The following H2AC12 variants were observed in gnomAD, a reference collection of about 807,000 sequenced individuals.
The protein encoded by H2AC12 is histone H2A type 1-H.
A neutral mutation model predicts 5.8 loss-of-function variants in H2AC12; 9 were observed. The ratio of observed to expected loss-of-function variants is 1.56; its 90% CI spans 0.94 to 2.71. H2AC12 has a LOEUF of 2.71. H2AC12 is among the 30% of genes most tolerant of loss of function. H2AC12 has a pLI of 0.00. For missense variants in H2AC12, 232 were observed against 173.1 expected (o/e 1.34, Z -1.91); for synonymous variants, 158 against 78.1 (o/e 2.02, Z -5.39).
At position 27,147,452 on chromosome 6, in the gene H2AC12, C is replaced by T; in HGVS notation, c.324C>T (p.Val108=). Residue 108 remains valine, a synonymous_variant, in exon 1 of 1, where the codon GTC becomes GTT. Coordinates refer to ENST00000377459, the MANE Select transcript of H2AC12 (RefSeq NM_080596.3). ...AAGTCACCATCGCGCAGGGTGGTGT[C>T]TTGCCCAATATCCAGGCCGTGCTGC... ...LGKVTIAQGG[V]LPNIQAVLLP... 6.2e-7 allele frequency: 1 copy of T among 1,614,212 alleles called. No individual in the cohort carries two copies. The highest frequency in any genetic ancestry group is 2.2e-5 in the East Asian group (1 of 44,890).
rs1448325978 is a variant in H2AC12 at position 27,147,412 on chromosome 6, AC to A, written c.285del (p.Asn95LysfsTer?). 6.2e-6 allele frequency: 10 copies of A among 1,614,208 alleles called. No homozygotes were observed. In the East Asian group the frequency reaches 2.2e-4, roughly 36 times the overall value. ...GCCATCCGCAACGACGAGGAGCTCA[AC>A]AAGCTGCTGGGCAAAGTCACCATCG... ...QLAIRNDEEL[N>X]KLLGKVTIAQ... On this transcript the variant is annotated frameshift_variant, in exon 1 of 1. Transcript: ENST00000377459. LOFTEE classifies it high-confidence loss of function.
In H2AC12 at chr6:27,147,233, C is replaced by T. The variant is rs1760115900; in HGVS notation, c.105C>T (p.Leu35=). ...QFPVGRVHRL[L]RKGNYAERVG... is the part of the protein sequence containing the mutation. ...CCGTGGGCCGAGTGCACCGCCTGCT[C>T]CGCAAGGGTAATTATGCCGAGCGGG... The change falls in exon 1 of 1, where the codon CTC becomes CTT. Residue 35 remains leucine, a synonymous_variant. Transcript: ENST00000377459. The T allele has an allele frequency of 3.1e-6, 5 of 1,614,062 alleles. No homozygotes were observed. Among genetic ancestry groups the T allele is most frequent in the Middle Eastern group, 1.6e-4 (1 of 6,082 alleles).
In H2AC12 at chr6:27,147,222, C is replaced by T. The variant is rs769425190; in HGVS notation, c.94C>T (p.His32Tyr). ...GCTTCAGTTCCCCGTGGGCCGAGTG[C>T]ACCGCCTGCTCCGCAAGGGTAATTA... Reference protein sequence around the residue: ...AGLQFPVGRVHRLLRKGNYAE... With the variant: ...AGLQFPVGRVYRLLRKGNYAE... Residue 32 changes from histidine (H) to tyrosine (Y), a missense_variant, in exon 1 of 1, where the codon CAC (histidine) becomes TAC (tyrosine). Coordinates refer to ENST00000377459, the MANE Select transcript of H2AC12 (RefSeq NM_080596.3). 15 of 1,614,090 alleles carry T rather than the reference C, an allele frequency of 9.3e-6. No individual in the cohort carries two copies. Among genetic ancestry groups the T allele is most frequent in the South Asian group, 8.8e-5 (8 of 91,084 alleles).
In H2AC12 at chr6:27,147,193, C is replaced by G; in HGVS notation, c.65C>G (p.Ala22Gly). 1 of 1,614,134 alleles carries G rather than the reference C, an allele frequency of 6.2e-7. No individual in the cohort carries two copies. The highest frequency in any genetic ancestry group is 8.5e-7 in the Non-Finnish European group (1 of 1,179,992). ...RAKAKTRSSR[A>G]GLQFPVGRVH... Reference sequence around the variant, plus strand: ...AAGGCCAAGACCCGCTCTTCTCGGGCTGGGCTTCAGTTCCCCGTGGGCCGA... The same window carrying G: ...AAGGCCAAGACCCGCTCTTCTCGGGGTGGGCTTCAGTTCCCCGTGGGCCGA... The change falls in exon 1 of 1, where the codon GCT (alanine) becomes GGT (glycine). Residue 22 changes from alanine (A) to glycine (G), a missense_variant. By Grantham distance (60) the Ala-to-Gly change is moderately conservative (BLOSUM62 0). Coordinates refer to ENST00000377459, the MANE Select transcript of H2AC12 (RefSeq NM_080596.3).
rs766851091 is a variant in H2AC12, at chr6:27,147,488, G to A, written c.360G>A (p.Lys120=). Residue 120 remains lysine, a synonymous_variant, in exon 1 of 1, where the codon AAG becomes AAA. Coordinates refer to ENST00000377459, the MANE Select transcript of H2AC12 (RefSeq NM_080596.3). ...TCCAGGCCGTGCTGCTGCCTAAGAAGACTGAGAGCCACCATAAGGCCAAAT... is the reference window on the plus strand; with the variant it reads ...TCCAGGCCGTGCTGCTGCCTAAGAAAACTGAGAGCCACCATAAGGCCAAAT... ...PNIQAVLLPK[K]TESHHKAK 4.3e-6 allele frequency: 7 copies of A among 1,614,206 alleles called. No individual in the cohort carries two copies. Among genetic ancestry groups the A allele is most frequent in the South Asian group, 3.3e-5 (3 of 91,082 alleles).
chr6:27,147,389 C>T lies in H2AC12; in HGVS notation c.261C>T (p.Ala87=), dbSNP rs762440241. The T allele has an allele frequency of 6.2e-7, 1 of 1,614,210 alleles. No homozygotes were observed. The highest frequency in any genetic ancestry group is 8.5e-7 in the Non-Finnish European group (1 of 1,180,036). ...TRIIPRHLQL[A]IRNDEELNKL... ...TCATCCCGCGTCACCTCCAACTGGC[C>T]ATCCGCAACGACGAGGAGCTCAACA... Residue 87 remains alanine (A), a synonymous_variant, in exon 1 of 1, where the codon GCC becomes GCT. Transcript: ENST00000377459.
rs201377958 is a variant in H2AC12, at chr6:27,147,525, T to A, written c.*10T>A. 9.8e-5 allele frequency: 158 copies of A among 1,612,896 alleles called. 1 individual carries two copies. In the African/African-American group the frequency reaches 2.0e-3, roughly 20 times the overall value. ...CCATAAGGCCAAATAAGGAGCGAGGTTGTGAAAACTGGAAAACAAAGGCTC... is the reference window on the plus strand; with the variant it reads ...CCATAAGGCCAAATAAGGAGCGAGGATGTGAAAACTGGAAAACAAAGGCTC... On this transcript the variant is annotated 3_prime_UTR_variant, in exon 1 of 1. Coordinates refer to ENST00000377459, the MANE Select transcript of H2AC12 (RefSeq NM_080596.3).
chr6:27,147,407 G>C lies in H2AC12; in HGVS notation c.279G>C (p.Glu93Asp), dbSNP rs2113655961. Residue 93 changes from glutamate to aspartate, a missense_variant, in exon 1 of 1, where the codon GAG (glutamate) becomes GAC (aspartate). Physicochemically the swap from Glu to Asp is conservative, Grantham distance 45. Coordinates refer to ENST00000377459, the MANE Select transcript of H2AC12 (RefSeq NM_080596.3). Reference sequence around the variant, plus strand: ...AACTGGCCATCCGCAACGACGAGGAGCTCAACAAGCTGCTGGGCAAAGTCA... The same window carrying C: ...AACTGGCCATCCGCAACGACGAGGACCTCAACAAGCTGCTGGGCAAAGTCA... ...HLQLAIRNDE[E>D]LNKLLGKVTI... 1 of 1,614,242 alleles carries C rather than the reference G, an allele frequency of 6.2e-7. No individual in the cohort carries two copies. The highest frequency in any genetic ancestry group is 1.1e-5 in the South Asian group (1 of 91,092).
At position 27,147,371 on chromosome 6, in the gene H2AC12, G is replaced by T. The variant is rs757132082; in HGVS notation, c.243G>T (p.Pro81=). 15 of 1,614,054 alleles carry T rather than the reference G, an allele frequency of 9.3e-6. No individual in the cohort carries two copies. The South Asian group carries it at 1.6e-4, about 18-fold the overall frequency. ...ACAACAAGAAGACCCGTATCATCCC[G>T]CGTCACCTCCAACTGGCCATCCGCA... ...ARDNKKTRII[P]RHLQLAIRND... is the part of the protein sequence containing the mutation. The change falls in exon 1 of 1, where the codon CCG becomes CCT. Residue 81 remains proline (P), a synonymous_variant. Coordinates refer to ENST00000377459, the MANE Select transcript of H2AC12 (RefSeq NM_080596.3).
Position 27,147,242 on chromosome 6 carries a change from T to C in H2AC12, c.114T>C (p.Gly38=), listed in dbSNP as rs755112969. 5 of 1,613,962 alleles carry C rather than the reference T, an allele frequency of 3.1e-6. No homozygotes were observed. The highest frequency in any genetic ancestry group is 3.4e-6 in the Non-Finnish European group (4 of 1,179,986). The change falls in exon 1 of 1, where the codon GGT becomes GGC. Residue 38 remains glycine, a synonymous_variant. Transcript: ENST00000377459. ...GAGTGCACCGCCTGCTCCGCAAGGGTAATTATGCCGAGCGGGTTGGAGCCG... is the reference window on the plus strand; with the variant it reads ...GAGTGCACCGCCTGCTCCGCAAGGGCAATTATGCCGAGCGGGTTGGAGCCG... The part of the protein sequence containing the change: ...VGRVHRLLRK[G]NYAERVGAGA...
chr6:27,147,416 G>A lies in H2AC12; in HGVS notation c.288G>A (p.Lys96=), dbSNP rs758054599. Reference sequence around the variant, plus strand: ...TCCGCAACGACGAGGAGCTCAACAAGCTGCTGGGCAAAGTCACCATCGCGC... The same window carrying A: ...TCCGCAACGACGAGGAGCTCAACAAACTGCTGGGCAAAGTCACCATCGCGC... ...LAIRNDEELN[K]LLGKVTIAQG... is the part of the protein sequence containing the mutation. The change falls in exon 1 of 1, where the codon AAG becomes AAA. Residue 96 remains lysine, a synonymous_variant. Transcript: ENST00000377459. The A allele has an allele frequency of 5.0e-6, 8 of 1,614,122 alleles. No individual in the cohort carries two copies. The highest frequency in any genetic ancestry group is 1.6e-4 in the Middle Eastern group (1 of 6,084).
chr6:27,147,562 A>G lies in H2AC12; in HGVS notation c.*47A>G, dbSNP rs2113656346. 5 of 1,592,294 alleles carry G rather than the reference A, an allele frequency of 3.1e-6. No individual in the cohort carries two copies. Among genetic ancestry groups the G allele is most frequent in the East Asian group, 4.5e-5 (2 of 44,718 alleles). On this transcript the variant is annotated 3_prime_UTR_variant, in exon 1 of 1. Transcript: ENST00000377459. ...GAAAACAAAGGCTCTTTTCAGAGCC[A>G]TTCTACACTGTCTTAGAGAAAGCTG...
At position 27,147,526 on chromosome 6, in the gene H2AC12, T is replaced by C; in HGVS notation, c.*11T>C. ...CATAAGGCCAAATAAGGAGCGAGGT[T>C]GTGAAAACTGGAAAACAAAGGCTCT... On this transcript the variant is annotated 3_prime_UTR_variant, in exon 1 of 1. Coordinates refer to ENST00000377459, the MANE Select transcript of H2AC12 (RefSeq NM_080596.3). 1.2e-6 allele frequency: 2 copies of C among 1,612,896 alleles called. No individual in the cohort carries two copies. The highest frequency in any genetic ancestry group is 2.2e-5 in the South Asian group (2 of 91,040).
At position 27,147,542 on chromosome 6, in the gene H2AC12, C is replaced by T. The variant is rs770148120; in HGVS notation, c.*27C>T. 5 of 1,611,412 alleles carry T rather than the reference C, an allele frequency of 3.1e-6. No homozygotes were observed. Among genetic ancestry groups the T allele is most frequent in the Non-Finnish European group, 4.2e-6 (5 of 1,178,448 alleles). On this transcript the variant is annotated 3_prime_UTR_variant, in exon 1 of 1. Coordinates refer to ENST00000377459, the MANE Select transcript of H2AC12 (RefSeq NM_080596.3). ...GAGCGAGGTTGTGAAAACTGGAAAA[C>T]AAAGGCTCTTTTCAGAGCCATTCTA... is the stretch of plus-strand genomic sequence containing the variant.
chr6:27,147,260 T>G lies in H2AC12; in HGVS notation c.132T>G (p.Val44=), dbSNP rs552245781. The G allele has an allele frequency of 4.3e-6, 7 of 1,614,158 alleles. No individual in the cohort carries two copies. The East Asian group carries it at 1.3e-4, about 31-fold the overall frequency. The change falls in exon 1 of 1, where the codon GTT becomes GTG. Residue 44 remains valine, a synonymous_variant. Transcript: ENST00000377459. ...LLRKGNYAER[V]GAGAPVYLAA... ...GCAAGGGTAATTATGCCGAGCGGGT[T>G]GGAGCCGGCGCGCCAGTGTACCTGG...
chr6:27,147,153 G>C lies in H2AC12; in HGVS notation c.25G>C (p.Gly9Arg). Residue 9 changes from glycine (G) to arginine (R), a missense_variant, in exon 1 of 1, where the codon GGT becomes CGT. Transcript: ENST00000377459. MSGRGKQGGKARAKAKTRS... is the reference protein window; with the variant it reads MSGRGKQGRKARAKAKTRS... ...TATGTCTGGACGTGGCAAGCAAGGC[G>C]GTAAAGCTCGCGCCAAGGCCAAGAC... 4 of 1,612,806 alleles carry C rather than the reference G, an allele frequency of 2.5e-6. No homozygotes were observed. Among genetic ancestry groups the C allele is most frequent in the Non-Finnish European group, 2.5e-6 (3 of 1,179,224 alleles).
Position 27,147,145 on chromosome 6 carries a change from A to C in H2AC12, c.17A>C (p.Lys6Thr). The change falls in exon 1 of 1, where the codon AAG becomes ACG. Residue 6 changes from lysine to threonine, a missense_variant. By Grantham distance (78) the Lys-to-Thr change is moderately conservative. Transcript: ENST00000377459. MSGRG[K>T]QGGKARAKAK... ...GTGACCAGTATGTCTGGACGTGGCA[A>C]GCAAGGCGGTAAAGCTCGCGCCAAG... 1.2e-6 allele frequency: 2 copies of C among 1,611,982 alleles called. No individual in the cohort carries two copies. The highest frequency in any genetic ancestry group is 8.5e-7 in the Non-Finnish European group (1 of 1,178,716).
Position 27,147,548 on chromosome 6 carries a change from C to T in H2AC12, c.*33C>T. On this transcript the variant is annotated 3_prime_UTR_variant, in exon 1 of 1. Coordinates refer to ENST00000377459, the MANE Select transcript of H2AC12 (RefSeq NM_080596.3). ...GGTTGTGAAAACTGGAAAACAAAGGCTCTTTTCAGAGCCATTCTACACTGT... is the reference window on the plus strand; with the variant it reads ...GGTTGTGAAAACTGGAAAACAAAGGTTCTTTTCAGAGCCATTCTACACTGT... The T allele has an allele frequency of 6.2e-7, 1 of 1,609,996 alleles. No individual in the cohort carries two copies.
rs7756481 is a variant in H2AC12, at chr6:27,147,290, G to T, written c.162G>T (p.Ala54=). The T allele has an allele frequency of 6.8e-6, 11 of 1,613,974 alleles. No individual in the cohort carries two copies. Among genetic ancestry groups the T allele is most frequent in the Non-Finnish European group, 8.5e-6 (10 of 1,179,994 alleles). ...CCGGCGCGCCAGTGTACCTGGCTGC[G>T]GTGCTGGAGTACCTGACCGCTGAGA... The part of the protein sequence containing the change: ...VGAGAPVYLA[A]VLEYLTAEIL... Residue 54 remains alanine (A), a synonymous_variant, in exon 1 of 1, where the codon GCG becomes GCT. Coordinates refer to ENST00000377459, the MANE Select transcript of H2AC12 (RefSeq NM_080596.3).
Sources: gnomAD v4.1 joint callset for allele counts on GRCh38, gnomAD v4.1.1 for gene constraint, MANE v1.5 for transcripts, NCBI Gene and HGNC (gene_info 2026-07-23, HGNC 2026-07-21) for gene names.